The following BRWD3 variants were observed in gnomAD, a reference collection of about 807,000 sequenced individuals.
The protein encoded by BRWD3 is bromodomain and WD repeat domain containing 3, also known as bromodomain and WD repeat-containing protein 3.
BRWD3 carries 10 observed loss-of-function variants against 149.7 expected under a neutral mutation model. The ratio of observed to expected loss-of-function variants is 0.07; its 90% confidence interval spans 0.04 to 0.11. BRWD3 has a LOEUF of 0.11. BRWD3 is among the 10% of genes least tolerant of loss of function. BRWD3 has a pLI of 1.00. For missense variants in BRWD3, 940 were observed against 1,373.2 expected (o/e 0.68, Z 4.99); for synonymous variants, 504 against 456.7 (o/e 1.10, Z -1.32).
At chrX:80,759,359 C>T (rs2073779140) in intron 6 of BRWD3, among the ~76,000 whole-genome samples, 1 of 111,443 alleles carries the variant, frequency 9.0e-6, no homozygotes, top group African/African-American at 3.3e-5. Flanking sequence ...TGGGCCATTT[C>T]TGTTTCTCCT....
intron 8 of BRWD3, among the ~76,000 whole-genome samples, chrX:80,741,808 T>C (rs1162443382): frequency 1.3e-4 from 15 of 112,117 alleles, no homozygotes; most frequent in African/African-American, 4.9e-4. Context: ...TTCTGGATAT[T>C]AGCCCTTTGT....
intron 6 of BRWD3, among the ~76,000 whole-genome samples, chrX:80,779,437 C>G (rs2074034968): frequency 9.0e-6 from 1 of 110,803 alleles, no homozygotes; most frequent in South Asian, 3.8e-4. Context: ...GCCAAAAACA[C>G]TGGAAAGTGG....
chrX:80,754,269 T>G (rs2073709952), intron 6 of BRWD3, among the ~76,000 whole-genome samples: 1 of 111,949 alleles, frequency 8.9e-6, no homozygotes, highest in Non-Finnish European at 1.9e-5. Flanking sequence ...GGGGTTTTTT[T>G]GTAGCTATTA....
At chrX:80,765,652 TC>T (rs748267732) in intron 6 of BRWD3, among the ~76,000 whole-genome samples, 467 of 111,937 alleles carry the variant, frequency 4.2e-3, no homozygotes, top group Non-Finnish European at 6.1e-3. Flanking sequence ...TTCTTTGCTT[TC>T]CTTTATCATG....
At position 80,808,600 on chromosome X, in the gene BRWD3, TG is replaced by T; in HGVS notation, c.121-3del. 8.3e-7 allele frequency: 1 copy of T among 1,202,386 alleles called. No individual in the cohort carries two copies. Among genetic ancestry groups the T allele is most frequent in the Non-Finnish European group, 1.1e-6 (1 of 891,323 alleles). On this transcript the variant is annotated splice_region_variant and splice_polypyrimidine_tract_variant and intron_variant, in intron 3 of 40. Transcript: ENST00000373275. ...CCAATCTAAGCGGCGCGGAATCAGC[TG>T]GGGGCCGGACGAAAAGAAAGGGGGA...
chrX:80,752,364 T>C (rs1256841577), intron 6 of BRWD3, among the ~76,000 whole-genome samples: 1 of 111,648 alleles, frequency 9.0e-6, no homozygotes, highest in Admixed American at 9.6e-5. Flanking sequence ...ATAAACATAC[T>C]AGTGCAAGTA....
intron 3 of BRWD3, 33 bp from the exon 4 acceptor site, chrX:80,808,631 G>A (rs372154658): frequency 2.3e-4 from 266 of 1,174,850 alleles, no homozygotes; most frequent in Non-Finnish European, 3.0e-4. Context: ...GGGGGAAGCG[G>A]AGGCAAATGA....
At chrX:80,768,401 C>A in intron 6 of BRWD3, among the ~76,000 whole-genome samples, 1 of 111,746 alleles carries the variant, frequency 8.9e-6, no homozygotes. Flanking sequence ...ACTCTACAAG[C>A]CAGAAGAGAT....
intron 6 of BRWD3, among the ~76,000 whole-genome samples, chrX:80,746,586 A>G (rs1467499827): frequency 9.0e-6 from 1 of 111,452 alleles, no homozygotes; most frequent in Non-Finnish European, 1.9e-5. Flanking sequence ...TTATACACTA[A>G]AAGTGCTTAA....
Position 80,754,517 on chromosome X carries a change from C to A in BRWD3, c.431-8788G>T, listed in dbSNP as rs746177558. On this transcript the variant is annotated intron_variant, in intron 6 of 40. Coordinates refer to ENST00000373275, the MANE Select transcript of BRWD3 (RefSeq NM_153252.5). ...TTTTATTTCTTCTCTCATCTGACCA[C>A]TCTCGCTAGGATTTCCATTACTATG... is the stretch of plus-strand genomic sequence containing the variant. Among the ~76,000 whole-genome samples the A allele has an allele frequency of 4.5e-5, 5 of 111,875 alleles. No individual in the cohort carries two copies. In the South Asian group the frequency reaches 1.5e-3, roughly 33 times the overall value.
At chrX:80,698,943 G>A (rs888630852) in intron 25 of BRWD3, among the ~76,000 whole-genome samples, 5 of 110,752 alleles carry the variant, frequency 4.5e-5, no homozygotes, top group Non-Finnish European at 9.4e-5. Context: ...GCTGGGCACG[G>A]TGGCTCATGC....
intron 20 of BRWD3, among the ~76,000 whole-genome samples, chrX:80,711,307 AG>A (rs1266532240): frequency 9.0e-5 from 10 of 111,607 alleles, no homozygotes; most frequent in Non-Finnish European, 1.3e-4. Context: ...TGGGCATGGG[AG>A]GGGAGGTTCC....
intron 40 of BRWD3, among the ~76,000 whole-genome samples, chrX:80,680,144 T>G (rs1233023159): frequency 8.9e-6 from 1 of 112,392 alleles, no homozygotes; most frequent in East Asian, 2.8e-4. Context: ...ATCTATATTC[T>G]AATAAAATTA....
At chrX:80,741,187 G>A (rs1354066254) in intron 8 of BRWD3, among the ~76,000 whole-genome samples, 1 of 110,793 alleles carries the variant, frequency 9.0e-6, no homozygotes, top group Non-Finnish European at 1.9e-5. Context: ...GCGATAGTTT[G>A]CAGAGAATGA....
At chrX:80,754,212 A>G (rs1233849377) in intron 6 of BRWD3, among the ~76,000 whole-genome samples, 1 of 111,657 alleles carries the variant, frequency 9.0e-6, no homozygotes, top group Non-Finnish European at 1.9e-5. Flanking sequence ...GTAGTTTTCT[A>G]TGTAGAGATC....
intron 40 of BRWD3, among the ~76,000 whole-genome samples, chrX:80,679,806 G>A (rs1051188860): frequency 8.1e-5 from 9 of 111,020 alleles, no homozygotes; most frequent in Admixed American, 3.8e-4. Flanking sequence ...AAGGGTGGTC[G>A]GGACAGACAC....
chrX:80,683,225 C>T (rs1363983859), intron 37 of BRWD3, among the ~76,000 whole-genome samples: 1 of 111,152 alleles, frequency 9.0e-6, no homozygotes, highest in Admixed American at 9.6e-5. Flanking sequence ...ACGAAATCCA[C>T]TATTTTAAAG....
At chrX:80,779,665 T>C (rs766879646) in intron 6 of BRWD3, among the ~76,000 whole-genome samples, 4 of 111,923 alleles carry the variant, frequency 3.6e-5, no homozygotes, top group Non-Finnish European at 7.5e-5. Context: ...AACAGATTAA[T>C]ATAGACTAAA....
chrX:80,721,868 CAA>C (rs1403487821), intron 17 of BRWD3, among the ~76,000 whole-genome samples: 3 of 111,524 alleles, frequency 2.7e-5, no homozygotes, highest in Admixed American at 9.6e-5. Context: ...TTTATTGAGA[CAA>C]GAGTCTCACT....
Sources: gnomAD v4.1 joint callset for allele counts (sites outside exome capture counted in the v4.1 genomes callset) on GRCh38, gnomAD v4.1.1 for gene constraint, MANE v1.5 for transcripts, NCBI Gene and HGNC (gene_info 2026-07-23, HGNC 2026-07-21) for gene names.